VIRMA: variants seen among roughly 807,000 people sequenced by gnomAD.
VIRMA encodes the protein protein virilizer homolog.
VIRMA carries 65 observed loss-of-function variants against 182.4 expected under a neutral mutation model. The observed-to-expected ratio is 0.36, with a 90% CI of 0.29 to 0.44. The LOEUF (loss-of-function observed/expected upper bound fraction) is 0.44, where lower values mean the gene tolerates loss of function less well. VIRMA is among the 20% of genes least tolerant of loss of function. VIRMA has a pLI of 1.00. For synonymous variants in VIRMA, 709 were observed against 743.1 expected, an observed-to-expected ratio of 0.95 and a Z score of 0.75; for missense variants, 1,752 against 2,158.1, an observed-to-expected ratio of 0.81 and a Z score of 3.73.
intron 7 of VIRMA, among the ~76,000 whole-genome samples, chr8:94,528,129 A>G (rs749842592): frequency 1.3e-5 from 2 of 150,938 alleles, no homozygotes; most frequent in Non-Finnish European, 3.0e-5. Context: ...AGCTACTCAG[A>G]TGGCTGAGGG....
intron 1 of VIRMA, among the ~76,000 whole-genome samples, chr8:94,546,081 T>C (rs992677670): frequency 4.2e-5 from 6 of 143,582 alleles, no homozygotes; most frequent in South Asian, 2.1e-4. Flanking sequence ...AAGAAAGAAA[T>C]TGCAAACATA....
chr8:94,488,930 C>T (rs370672669), intron 23 of VIRMA, 70 bp from the exon 24 acceptor site: 32 of 1,497,790 alleles, frequency 2.1e-5, no homozygotes, highest in Admixed American at 5.9e-5. Flanking sequence ...TACTAATCTA[C>T]GACACTGAGC....
intron 11 of VIRMA, among the ~76,000 whole-genome samples, chr8:94,513,852 C>T (rs1022153688): frequency 6.6e-6 from 1 of 152,034 alleles, no homozygotes; most frequent in Non-Finnish European, 1.5e-5. Context: ...ATTTGAGGCT[C>T]AGAGTAAGAA....
chr8:94,526,084 C>A (rs1043967363), intron 8 of VIRMA, 139 bp downstream of exon 8: 3 of 669,716 alleles, frequency 4.5e-6, no homozygotes, highest in Non-Finnish European at 7.5e-6. Flanking sequence ...AGTTCCACTA[C>A]TAAATAACCG....
intron 23 of VIRMA, among the ~76,000 whole-genome samples, chr8:94,489,279 C>T (rs943433886): frequency 2.0e-5 from 3 of 152,146 alleles, no homozygotes; most frequent in Admixed American, 1.3e-4. Flanking sequence ...GCTTTCATTA[C>T]TGAAACATAA....
chr8:94,529,108 T>A lies in VIRMA; in HGVS notation c.842A>T (p.Asp281Val), dbSNP rs758734346. 2 of 1,538,912 alleles carry A rather than the reference T, an allele frequency of 1.3e-6. No homozygotes were observed. The highest frequency in any genetic ancestry group is 2.2e-5 in the South Asian group (2 of 89,334). The change falls in exon 7 of 24, where the codon GAT (aspartate) becomes GTT (valine). Residue 281 changes from aspartate (D) to valine (V), a missense_variant. Physicochemically the swap from Asp to Val is radical, Grantham distance 152. Transcript: ENST00000297591. ...ATCCTCTTCACCTTCTTCCTCTTCATCTTCCTCTTCCTCCTCAGGAATACT... is the reference window on the plus strand; with the variant it reads ...ATCCTCTTCACCTTCTTCCTCTTCAACTTCCTCTTCCTCCTCAGGAATACT... The part of the protein sequence containing the change: ...VDSIPEEEEE[D>V]EEEEGEEDEE...
In VIRMA at chr8:94,538,272, T is replaced by C; in HGVS notation, c.254A>G (p.Asp85Gly). 1 of 1,611,492 alleles carries C rather than the reference T, an allele frequency of 6.2e-7. No homozygotes were observed. The highest frequency in any genetic ancestry group is 8.5e-7 in the Non-Finnish European group (1 of 1,177,690). ...NVSKPSAPVF[D>G]RLGSLEYDEN... ...AGCAGGTACATACCTTCCCAACCTA[T>C]CGAAAACAGGGGCACTTGGTTTGCT... The change falls in exon 3 of 24, where the codon GAT becomes GGT. Residue 85 changes from aspartate to glycine, a missense_variant. Asp to Gly is a moderately conservative substitution (Grantham distance 94). This residue lies in a region of VIRMA where 195 missense variants were observed against 191.7 expected (regional missense o/e 1.02). Transcript: ENST00000297591.
rs745305795 is a variant in VIRMA at position 94,517,809 on chromosome 8, C to T, written c.2647G>A (p.Glu883Lys). Residue 883 changes from glutamate (E) to lysine (K), a missense_variant, in exon 10 of 24, where the codon GAA becomes AAA. Around this residue, in one of 11 missense-constraint regions of VIRMA, gnomAD observed 777 missense variants for 920.6 expected, o/e 0.84. Coordinates refer to ENST00000297591, the MANE Select transcript of VIRMA (RefSeq NM_015496.5). ...ATACCTTGCAATTTAGCATTATTTTCATCTGCTTTACAAAGCTTCAAGAGA... is the reference window on the plus strand; with the variant it reads ...ATACCTTGCAATTTAGCATTATTTTTATCTGCTTTACAAAGCTTCAAGAGA... ...ASLLKLCKADENNAKLQELGK... is the reference protein window; with the variant it reads ...ASLLKLCKADKNNAKLQELGK... 1.9e-6 allele frequency: 3 copies of T among 1,606,766 alleles called. No individual in the cohort carries two copies. The highest frequency in any genetic ancestry group is 2.7e-5 in the African/African-American group (2 of 74,778).
intron 23 of VIRMA, 47 bp from the exon 24 acceptor site, chr8:94,488,907 C>T (rs1426599401): frequency 1.3e-6 from 2 of 1,584,072 alleles, no homozygotes; most frequent in Non-Finnish European, 1.7e-6. Context: ...CCTTTCTTTT[C>T]CAAGATTATA....
At position 94,488,096 on chromosome 8, in the gene VIRMA, T is replaced by C. The variant is rs1337302968; in HGVS notation, c.*610A>G. 1 of 152,250 alleles carries C rather than the reference T, an allele frequency of 6.6e-6. No individual in the cohort carries two copies. Among genetic ancestry groups the C allele is most frequent in the Admixed American group, 6.5e-5 (1 of 15,278 alleles). The allele number at this position is 152,250 out of a possible 1,614,324, so 9.4% of individuals were successfully genotyped here. ...ACCTGTTGGACATCACATAAACTAC[T>C]ACTTTGAGGTAGTTTACATTTTCAA... On this transcript the variant is annotated 3_prime_UTR_variant, in exon 24 of 24. Coordinates refer to ENST00000297591, the MANE Select transcript of VIRMA (RefSeq NM_015496.5).
intron 1 of VIRMA, among the ~76,000 whole-genome samples, chr8:94,550,534 C>T (rs1457252777): frequency 6.6e-6 from 1 of 152,060 alleles, no homozygotes; most frequent in South Asian, 2.1e-4. Context: ...CCTCGTGATC[C>T]GCTTGCCTCG....
intron 1 of VIRMA, among the ~76,000 whole-genome samples, chr8:94,550,811 C>T (rs1043559359): frequency 3.9e-5 from 6 of 152,130 alleles, no homozygotes; most frequent in East Asian, 3.9e-4. Flanking sequence ...CTCCTCCTCC[C>T]GGGTGCTAGC....
chr8:94,550,560 G>A (rs1434160190), intron 1 of VIRMA, among the ~76,000 whole-genome samples: 1 of 152,084 alleles, frequency 6.6e-6, no homozygotes, highest in Non-Finnish European at 1.5e-5. Context: ...CCAAAGTGCT[G>A]GGATTACAGG....
intron 11 of VIRMA, among the ~76,000 whole-genome samples, chr8:94,514,431 C>A (rs1360071009): frequency 6.6e-5 from 10 of 152,160 alleles, no homozygotes; most frequent in African/African-American, 2.4e-4. Context: ...ACCAAATTAA[C>A]AAAGAGAACT....
intron 16 of VIRMA, among the ~76,000 whole-genome samples, chr8:94,503,190 G>A (rs1424018416): frequency 6.6e-6 from 1 of 152,182 alleles, no homozygotes; most frequent in Non-Finnish European, 1.5e-5. Flanking sequence ...GTGGATGAAA[G>A]TTTTTGGCAT....
chr8:94,495,387 AAAAG>A (rs1026069121), intron 19 of VIRMA, among the ~76,000 whole-genome samples: 2 of 152,158 alleles, frequency 1.3e-5, no homozygotes, highest in Non-Finnish European at 2.9e-5. Context: ...TAGTACCTAA[AAAAG>A]AAACTCCCAA....
chr8:94,534,383 C>T, intron 5 of VIRMA: 1 of 161,182 alleles, frequency 6.2e-6, no homozygotes, highest in Non-Finnish European at 1.3e-5. Context: ...GAAAAAATTC[C>T]CTCAGATCAG....
Position 94,494,591 on chromosome 8 carries a change from C to CAAAAA in VIRMA, c.4641+264_4641+268dup, listed in dbSNP as rs1175058697. Among the ~76,000 whole-genome samples the CAAAAA allele has an allele frequency of 3.4e-3, 147 of 42,928 alleles. 6 individuals carry two copies. The highest frequency in any genetic ancestry group is 0.013 in the African/African-American group (135 of 10,012). The allele number at this position is 42,928 out of a possible 152,430, so 28.2% of individuals were successfully genotyped here. On this transcript the variant is annotated intron_variant, in intron 20 of 23. Transcript: ENST00000297591. ...TGGGTGACAGAGTGAGACTCTGTCTCAAAAAAAAAAAAAAAAAAAAAAAAA... is the reference window on the plus strand; with the variant it reads ...TGGGTGACAGAGTGAGACTCTGTCTCAAAAAAAAAAAAAAAAAAAAAAAAAAAAAA...
In VIRMA at chr8:94,519,420, A is replaced by C. The variant is rs1204963472; in HGVS notation, c.2078T>G (p.Val693Gly). The C allele has an allele frequency of 2.6e-6, 4 of 1,530,686 alleles. No homozygotes were observed. The highest frequency in any genetic ancestry group is 3.5e-6 in the Non-Finnish European group (4 of 1,144,548). The allele number at this position is 1,530,686 out of a possible 1,614,324, so 94.8% of individuals were successfully genotyped here. The change falls in exon 9 of 24, where the codon GTA (valine) becomes GGA (glycine). Residue 693 changes from valine to glycine, a missense_variant. By Grantham distance (109) the Val-to-Gly change is moderately radical. Around this residue, in one of 11 missense-constraint regions of VIRMA, gnomAD observed 401 missense variants for 455.1 expected, o/e 0.88. Coordinates refer to ENST00000297591, the MANE Select transcript of VIRMA (RefSeq NM_015496.5). ...ELVTLLLSIPVTSAHPGVLQA... is the reference protein window; with the variant it reads ...ELVTLLLSIPGTSAHPGVLQA... ...CAGCACACCAGGGTGAGCACTTGTT[A>C]CTGGAATTGACAGAAGCAAGGTAAC... is the stretch of plus-strand genomic sequence containing the variant.
Sources: allele counts gnomAD v4.1 joint callset (sites outside exome capture counted in the v4.1 genomes callset), GRCh38; gene constraint gnomAD v4.1.1; regional missense constraint gnomAD v4.1.1; transcripts MANE v1.5; gene names NCBI Gene and HGNC (gene_info 2026-07-23, HGNC 2026-07-21).